Variants in METTL15 observed in about 807,000 individuals in gnomAD.
METTL15 encodes 12S rRNA N(4)-cytidine methyltransferase METTL15.
METTL15 carries 34 observed loss-of-function variants against 38.3 expected under a neutral mutation model. The ratio of observed to expected loss-of-function variants is 0.89; its 90% CI spans 0.68 to 1.18. METTL15 has a LOEUF of 1.18. METTL15 is among the 50% of genes most tolerant of loss of function. METTL15 has a pLI of 0.00. For synonymous variants in METTL15, 162 were observed against 170.9 expected (o/e 0.95, Z 0.41); for missense variants, 438 against 498.4 (o/e 0.88, Z 1.15).
chr11:28,466,823 G>C (rs548828222), intron 6 of METTL15, among the ~76,000 whole-genome samples: 4 of 152,280 alleles, frequency 2.6e-5, no homozygotes, highest in Admixed American at 2.6e-4. Flanking sequence ...AAGCATTTAG[G>C]CTCCATGGTT....
At chr11:28,218,577 C>G (rs1162270680) in intron 4 of METTL15, among the ~76,000 whole-genome samples, 2 of 152,058 alleles carry the variant, frequency 1.3e-5, no homozygotes, top group African/African-American at 4.8e-5. Context: ...TTGCCCTGGC[C>G]AGAACTTCCA....
chr11:28,305,593 T>G (rs932706831), intron 6 of METTL15, among the ~76,000 whole-genome samples: 2 of 152,116 alleles, frequency 1.3e-5, no homozygotes, highest in Non-Finnish European at 2.9e-5. Context: ...TATAACACTG[T>G]TCTAGATCCC....
chr11:28,252,511 T>C (rs773320519), intron 4 of METTL15, among the ~76,000 whole-genome samples: 26 of 152,176 alleles, frequency 1.7e-4, no homozygotes, highest in Non-Finnish European at 2.8e-4. Flanking sequence ...CCATCCTACC[T>C]GTATCTGTAT....
chr11:28,495,258 T>G (rs566439589), intron 6 of METTL15, among the ~76,000 whole-genome samples: 80 of 152,094 alleles, frequency 5.3e-4, no homozygotes, highest in Non-Finnish European at 9.9e-4. Context: ...GAGGTGAAAA[T>G]ACAGGCAGAG....
chr11:28,132,658 A>T lies in METTL15; in HGVS notation c.270+19054A>T, dbSNP rs967497182. Among the ~76,000 whole-genome samples the T allele has an allele frequency of 2.0e-5, 3 of 152,172 alleles. No homozygotes were observed. The East Asian group carries it at 5.8e-4, about 29-fold the overall frequency. On this transcript the variant is annotated intron_variant, in intron 3 of 6. Transcript: ENST00000407364. Reference sequence around the variant, plus strand: ...TTACCCTACAGTGAATTTTTAAATTATCCTTTGAAAATTCACATTGGGGTA... The same window carrying T: ...TTACCCTACAGTGAATTTTTAAATTTTCCTTTGAAAATTCACATTGGGGTA...
At position 28,408,162 on chromosome 11, in the gene METTL15, G is replaced by C. The variant is rs529251275; in HGVS notation, c.*359-16137G>C. Among the ~76,000 whole-genome samples, 3 of 152,150 alleles carry C rather than the reference G, an allele frequency of 2.0e-5. No homozygotes were observed. The South Asian group carries it at 6.2e-4, about 32-fold the overall frequency. Reference sequence around the variant, plus strand: ...TACACACTGGGGCCTGTTGGTTCAGGGGGTGGGGTGGGGGAAACATCATGA... The same window carrying C: ...TACACACTGGGGCCTGTTGGTTCAGCGGGTGGGGTGGGGGAAACATCATGA... On this transcript the variant is annotated intron_variant and NMD_transcript_variant, in intron 5 of 7. Transcript: ENST00000532947.
intron 3 of METTL15, among the ~76,000 whole-genome samples, chr11:28,345,203 CATT>C (rs1362121505): frequency 6.6e-6 from 1 of 152,062 alleles, no homozygotes; most frequent in Non-Finnish European, 1.5e-5. Context: ...TCGTTGTTAT[CATT>C]GAGACAGCGT....
intron 4 of METTL15, among the ~76,000 whole-genome samples, chr11:28,267,179 A>G (rs1374095814): frequency 1.3e-5 from 2 of 151,448 alleles, no homozygotes; most frequent in African/African-American, 4.9e-5. Context: ...AAAAAAAAAA[A>G]AAAAGAGTGA....
At chr11:28,315,574 A>T (rs1030348338) in intron 6 of METTL15, among the ~76,000 whole-genome samples, 7 of 152,248 alleles carry the variant, frequency 4.6e-5, no homozygotes, top group Admixed American at 3.9e-4. Flanking sequence ...ATCCAAGCTG[A>T]CTGCAGAAAT....
At chr11:28,138,332 A>G (rs990588763) in intron 3 of METTL15, among the ~76,000 whole-genome samples, 1 of 152,222 alleles carries the variant, frequency 6.6e-6, no homozygotes, top group African/African-American at 2.4e-5. Context: ...ATATACCTCT[A>G]GCTTGGATAT....
At chr11:28,484,466 A>T (rs965027963) in intron 6 of METTL15, among the ~76,000 whole-genome samples, 4 of 151,926 alleles carry the variant, frequency 2.6e-5, no homozygotes, top group African/African-American at 9.7e-5. Flanking sequence ...ATGTCTTTCA[A>T]CCCCGGACTG....
intron 6 of METTL15, among the ~76,000 whole-genome samples, chr11:28,438,718 A>G (rs1229431418): frequency 2.9e-5 from 4 of 136,876 alleles, no homozygotes; most frequent in African/African-American, 1.1e-4. Context: ...TCTGTCGCAC[A>G]GACTGGAGTG....
intron 5 of METTL15, among the ~76,000 whole-genome samples, chr11:28,398,464 C>T (rs1371329739): frequency 1.3e-5 from 2 of 152,032 alleles, no homozygotes; most frequent in Non-Finnish European, 2.9e-5. Flanking sequence ...ATGCTGGCCG[C>T]ATAGATGTCT....
chr11:28,184,845 C>G (rs1395251742), intron 3 of METTL15, among the ~76,000 whole-genome samples: 1 of 151,198 alleles, frequency 6.6e-6, no homozygotes, highest in Non-Finnish European at 1.5e-5. Context: ...CAGAGTAGGC[C>G]TCTAGGAGTA....
intron 6 of METTL15, among the ~76,000 whole-genome samples, chr11:28,500,721 C>G (rs965992293): frequency 1.3e-5 from 2 of 152,124 alleles, no homozygotes; most frequent in Non-Finnish European, 2.9e-5. Context: ...GGGGGTTTCA[C>G]CATGTTGGCC....
intron 4 of METTL15, among the ~76,000 whole-genome samples, chr11:28,237,960 G>T (rs940562824): frequency 6.6e-6 from 1 of 152,168 alleles, no homozygotes; most frequent in African/African-American, 2.4e-5. Flanking sequence ...TCATTCCTCT[G>T]GAAGTTTTTT....
At chr11:28,208,114 T>C (rs1852445827) in intron 3 of METTL15, among the ~76,000 whole-genome samples, 1 of 152,178 alleles carries the variant, frequency 6.6e-6, no homozygotes, top group Non-Finnish European at 1.5e-5. Context: ...TTTCCTTCAG[T>C]TCTGCTCTGA....
At chr11:28,260,580 T>A (rs1258879704) in intron 4 of METTL15, among the ~76,000 whole-genome samples, 2 of 152,144 alleles carry the variant, frequency 1.3e-5, no homozygotes, top group Non-Finnish European at 2.9e-5. Context: ...ACTGATTCGT[T>A]CCCAGAGCAA....
chr11:28,199,163 GTAATT>G (rs1171173450), intron 3 of METTL15, among the ~76,000 whole-genome samples: 1 of 151,968 alleles, frequency 6.6e-6, no homozygotes, highest in Non-Finnish European at 1.5e-5. Context: ...TACAGTGAAG[GTAATT>G]TAATTTATTT....
Sources: allele counts gnomAD v4.1 joint callset (sites outside exome capture counted in the v4.1 genomes callset), GRCh38; gene constraint gnomAD v4.1.1; transcripts MANE v1.5; gene names NCBI Gene and HGNC (gene_info 2026-07-23, HGNC 2026-07-21).